The following SUGCT variants were observed in gnomAD, a reference collection of about 807,000 sequenced individuals.
SUGCT encodes the protein succinyl-CoA:glutarate CoA-transferase.
SUGCT carries 41 observed loss-of-function variants against 55.0 expected under a neutral mutation model. That is an observed-to-expected ratio of 0.74 (90% CI 0.58 to 0.97). SUGCT has a LOEUF of 0.97. SUGCT is among the 50% of genes least tolerant of loss of function. The probability of loss-of-function intolerance (pLI) is 0.00; values close to 1 mark genes in which losing one functional copy is unlikely to be tolerated. For synonymous variants in SUGCT, 187 were observed against 200.4 expected, an observed-to-expected ratio of 0.93 and a Z score of 0.56; for missense variants, 568 against 547.8, an observed-to-expected ratio of 1.04 and a Z score of -0.37.
intron 13 of SUGCT, among the ~76,000 whole-genome samples, chr7:40,801,963 A>G (rs1790841182): frequency 6.7e-6 from 1 of 148,658 alleles, no homozygotes; most frequent in African/African-American, 2.5e-5. Context: ...TCTTCTAGCA[A>G]ATGTTAAGCA....
chr7:40,696,209 C>T (rs1784930306), intron 12 of SUGCT, among the ~76,000 whole-genome samples: 1 of 152,166 alleles, frequency 6.6e-6, no homozygotes, highest in African/African-American at 2.4e-5. Flanking sequence ...ACCCATCAGT[C>T]ACGAATTGTA....
chr7:40,769,806 C>T (rs1273806894), intron 13 of SUGCT, among the ~76,000 whole-genome samples: 1 of 152,132 alleles, frequency 6.6e-6, no homozygotes, highest in African/African-American at 2.4e-5. Context: ...ATACACCTGC[C>T]TTTCTCTAAA....
chr7:40,318,885 C>T (rs1165419046), intron 9 of SUGCT, among the ~76,000 whole-genome samples: 2 of 152,194 alleles, frequency 1.3e-5, no homozygotes, highest in African/African-American at 2.4e-5. Flanking sequence ...AAAAATGGAA[C>T]ATCATTTTAA....
Position 40,224,429 on chromosome 7 carries a change from T to C in SUGCT, c.485-13206T>C, listed in dbSNP as rs551483709. Among the ~76,000 whole-genome samples, 681 of 140,464 alleles carry C rather than the reference T, an allele frequency of 4.8e-3. 7 individuals carry two copies. Among genetic ancestry groups the C allele is most frequent in the African/African-American group, 0.021 (657 of 31,606 alleles). 92.1% of individuals were successfully genotyped at this position (140,464 alleles called of 152,430 possible). A position where few individuals can be genotyped will look rare whatever the true frequency, so the allele number is the denominator to read the frequency against. The stretch of plus-strand genomic sequence containing the variant: ...GTGTGTGTGTGTGTGTGTGTGTGTG[T>C]GCATGCATGTGTATAAGTGTGTGTA... On this transcript the variant is annotated intron_variant, in intron 6 of 13. Transcript: ENST00000335693.
At chr7:40,906,059 G>A in the SUGCT span, among the ~76,000 whole-genome samples, 1 of 151,690 alleles carries the variant, frequency 6.6e-6, no homozygotes, top group Admixed American at 6.6e-5. Flanking sequence ...TAATTCAGCG[G>A]TATTAACTGC....
chr7:40,487,511 A>C (rs955771521), intron 11 of SUGCT, among the ~76,000 whole-genome samples: 4 of 151,866 alleles, frequency 2.6e-5, no homozygotes, highest in African/African-American at 9.7e-5. Context: ...AATGTTCTAC[A>C]TATATATATT....
the SUGCT span, chr7:40,966,521 T>C: frequency 6.6e-6 from 1 of 152,234 alleles, no homozygotes; most frequent in Non-Finnish European, 1.5e-5. Flanking sequence ...AGAGCCTAAC[T>C]CTGTGAGGCG....
intron 10 of SUGCT, among the ~76,000 whole-genome samples, chr7:40,451,487 T>A (rs1026165194): frequency 2.6e-5 from 4 of 152,222 alleles, no homozygotes; most frequent in African/African-American, 9.6e-5. Flanking sequence ...AGACATTGCT[T>A]ATAAAGGAGA....
At chr7:40,989,224 T>C in the SUGCT span, among the ~76,000 whole-genome samples, 1 of 152,214 alleles carries the variant, frequency 6.6e-6, no homozygotes, top group African/African-American at 2.4e-5. Context: ...TCACAAAAGA[T>C]TTCTCTGTAA....
intron 1 of SUGCT, among the ~76,000 whole-genome samples, chr7:40,155,713 T>C (rs1342710083): frequency 6.6e-6 from 1 of 152,172 alleles, no homozygotes; most frequent in Non-Finnish European, 1.5e-5. Context: ...TAATAATTGG[T>C]TATTAATGAT....
In SUGCT at chr7:40,788,559, A is replaced by G. The variant is rs774616827; in HGVS notation, c.1153+39062A>G. 4.3e-4 allele frequency among the ~76,000 whole-genome samples: 66 copies of G among 152,254 alleles called. 1 individual carries two copies. The highest frequency in any genetic ancestry group is 8.5e-4 in the Non-Finnish European group (58 of 68,042). ...CTCTGCAAAGAAACAGAAGATATAA[A>G]GAAGGACCAAATGGAAATGATAGAA... On this transcript the variant is annotated intron_variant, in intron 13 of 13. Coordinates refer to ENST00000335693, the MANE Select transcript of SUGCT (RefSeq NM_001193313.2).
intron 9 of SUGCT, among the ~76,000 whole-genome samples, chr7:40,405,808 T>TAA (rs60966218): frequency 4.4e-5 from 4 of 90,928 alleles, no homozygotes; most frequent in Non-Finnish European, 6.8e-5. Flanking sequence ...AGACTCTGTC[T>TAA]AAAAAAAAAA....
chr7:40,193,091 T>C (rs1259348940), intron 5 of SUGCT, among the ~76,000 whole-genome samples: 4 of 149,078 alleles, frequency 2.7e-5, no homozygotes, highest in Admixed American at 6.7e-5. Flanking sequence ...TTCAACCTCC[T>C]GTGTAGCTGG....
chr7:40,810,937 A>G (rs919902414), intron 13 of SUGCT, among the ~76,000 whole-genome samples: 4 of 152,152 alleles, frequency 2.6e-5, no homozygotes, highest in South Asian at 2.1e-4. Flanking sequence ...TAATTTTTGT[A>G]TATCGTGAAA....
intron 13 of SUGCT, among the ~76,000 whole-genome samples, chr7:40,850,856 T>A (rs1793813714): frequency 6.6e-6 from 1 of 152,200 alleles, no homozygotes; most frequent in Non-Finnish European, 1.5e-5. Context: ...GAAGTCTAGG[T>A]CTGAAATTAG....
intron 12 of SUGCT, among the ~76,000 whole-genome samples, chr7:40,609,873 C>G (rs374001620): frequency 6.6e-6 from 1 of 152,060 alleles, no homozygotes; most frequent in African/African-American, 2.4e-5. Context: ...AATCAGAATG[C>G]ATTATAGGCC....
chr7:40,672,134 A>G (rs1277794524), intron 12 of SUGCT, among the ~76,000 whole-genome samples: 1 of 152,228 alleles, frequency 6.6e-6, no homozygotes, highest in Non-Finnish European at 1.5e-5. Context: ...TCCATAGGCA[A>G]TACAAAACAC....
At chr7:40,328,658 A>G (rs1796131948) in intron 9 of SUGCT, among the ~76,000 whole-genome samples, 1 of 151,942 alleles carries the variant, frequency 6.6e-6, no homozygotes, top group Non-Finnish European at 1.5e-5. Flanking sequence ...TACTTGTCCT[A>G]GATCGATCAT....
At chr7:40,711,500 T>TA (rs1442568456) in intron 12 of SUGCT, among the ~76,000 whole-genome samples, 9 of 150,994 alleles carry the variant, frequency 6.0e-5, no homozygotes, top group African/African-American at 9.7e-5. Flanking sequence ...AGACTCTATC[T>TA]AAAAAAAAAG....
Sources: allele counts gnomAD v4.1 joint callset (sites outside exome capture counted in the v4.1 genomes callset), GRCh38; gene constraint gnomAD v4.1.1; transcripts MANE v1.5; gene names NCBI Gene and HGNC (gene_info 2026-07-23, HGNC 2026-07-21).